XYLT1: variants seen among roughly 807,000 people sequenced by gnomAD.
XYLT1 encodes the protein xylosyltransferase 1.
XYLT1 carries 36 observed loss-of-function variants against 91.3 expected under a neutral mutation model. That is an observed-to-expected ratio of 0.39 (90% CI 0.30 to 0.52). The LOEUF is 0.52. Ranked by LOEUF, XYLT1 falls within the 20% of genes least tolerant of loss-of-function variation. The pLI, the probability that XYLT1 is intolerant of heterozygous loss-of-function variation, is 0.68. For synonymous variants in XYLT1, 588 were observed against 532.0 expected (o/e 1.11, Z -1.45); for missense variants, 1,242 against 1,284.5 (o/e 0.97, Z 0.51).
chr16:17,276,816 G>T (rs2033983931), intron 2 of XYLT1, among the ~76,000 whole-genome samples: 1 of 152,178 alleles, frequency 6.6e-6, no homozygotes, highest in African/African-American at 2.4e-5. Flanking sequence ...GTGACCTAGG[G>T]AAAGTCGTTT....
chr16:17,205,614 T>G (rs527975801), intron 3 of XYLT1, among the ~76,000 whole-genome samples: 177 of 152,312 alleles, frequency 1.2e-3, no homozygotes, highest in African/African-American at 3.9e-3. Context: ...AGCCATCATT[T>G]CTATGTGGCT....
rs186003047 is a variant in XYLT1, at chr16:17,106,833, A to G, written c.*1862T>C. On this transcript the variant is annotated 3_prime_UTR_variant, in exon 12 of 12. Coordinates refer to ENST00000261381, the MANE Select transcript of XYLT1 (RefSeq NM_022166.4). ...GCATAAGGAAAAAAACAAGGCTCCA[A>G]CGGTCCCCAAGGCACCCCACTCAAA... 1.3e-5 allele frequency: 2 copies of G among 152,028 alleles called. No homozygotes were observed. The highest frequency in any genetic ancestry group is 1.5e-5 in the Non-Finnish European group (1 of 68,036). The allele number at this position is 152,028 out of a possible 1,614,324, so 9.4% of individuals were successfully genotyped here. A position where few individuals can be genotyped will look rare whatever the true frequency, so the allele number is the denominator to read the frequency against.
chr16:17,332,956 C>T (rs1183525296), intron 2 of XYLT1, among the ~76,000 whole-genome samples: 1 of 152,088 alleles, frequency 6.6e-6, no homozygotes, highest in African/African-American at 2.4e-5. Flanking sequence ...GTTTGCAAAC[C>T]CAGGAAGAGG....
chr16:17,309,751 G>T (rs1286264321), intron 2 of XYLT1, among the ~76,000 whole-genome samples: 1 of 152,190 alleles, frequency 6.6e-6, no homozygotes, highest in Non-Finnish European at 1.5e-5. Context: ...ATGGTTTAAT[G>T]CCTTTATTTT....
rs184976221 is a variant in XYLT1 at position 17,312,975 on chromosome 16, C to T, written c.402+45037G>A. 6.5e-4 allele frequency among the ~76,000 whole-genome samples: 99 copies of T among 152,376 alleles called. No individual in the cohort carries two copies. Among genetic ancestry groups the T allele is most frequent in the African/African-American group, 2.3e-3 (96 of 41,594 alleles). ...AGAACCGGATCCTCTTGGAAAAGCT[C>T]CCCCTGGCCGGGGCTGAGCAGGGAA... is the stretch of plus-strand genomic sequence containing the variant. On this transcript the variant is annotated intron_variant, in intron 2 of 11. Coordinates refer to ENST00000261381, the MANE Select transcript of XYLT1 (RefSeq NM_022166.4). This position sits in a 1 kb window ranked among gnomAD's most constrained non-coding sequence, Gnocchi z 4.4.
chr16:17,316,660 G>C (rs530834013), intron 2 of XYLT1, among the ~76,000 whole-genome samples: 3 of 151,876 alleles, frequency 2.0e-5, no homozygotes, highest in Non-Finnish European at 4.4e-5. Flanking sequence ...GCCTCCCAAA[G>C]TGCTGGGATT....
intron 9 of XYLT1, among the ~76,000 whole-genome samples, chr16:17,131,957 C>T (rs1027204752): frequency 1.4e-4 from 22 of 152,178 alleles, no homozygotes; most frequent in South Asian, 6.2e-4. Context: ...CAATAAAAAA[C>T]GAGGTGGATA....
chr16:17,134,153 C>G (rs1480480721), intron 9 of XYLT1, among the ~76,000 whole-genome samples: 2 of 152,068 alleles, frequency 1.3e-5, no homozygotes, highest in Non-Finnish European at 2.9e-5. Context: ...AGTTTTGTAC[C>G]TTCCACTTAA....
chr16:17,452,141 G>C (rs1030411703), intron 1 of XYLT1, among the ~76,000 whole-genome samples: 8 of 152,070 alleles, frequency 5.3e-5, no homozygotes, highest in Admixed American at 2.0e-4. Flanking sequence ...CCTATTCATA[G>C]ATTCTAACCC....
intron 2 of XYLT1, among the ~76,000 whole-genome samples, chr16:17,320,694 A>C (rs185373193): frequency 6.0e-5 from 9 of 151,056 alleles, no homozygotes; most frequent in Admixed American, 4.0e-4. Flanking sequence ...GTTGGCCAGG[A>C]TGGTCTTGAA....
chr16:17,399,181 G>A (rs1328743586), intron 1 of XYLT1, among the ~76,000 whole-genome samples: 2 of 152,168 alleles, frequency 1.3e-5, no homozygotes, highest in African/African-American at 4.8e-5. Context: ...CTGGGGGCAG[G>A]AGAGGGGACA....
chr16:17,117,399 G>C (rs965786316), intron 11 of XYLT1, among the ~76,000 whole-genome samples: 1 of 152,148 alleles, frequency 6.6e-6, no homozygotes, highest in African/African-American at 2.4e-5. Flanking sequence ...CTTTCTGGAA[G>C]TTGAATGGGG....
chr16:17,251,819 G>A (rs2033543538), intron 3 of XYLT1, among the ~76,000 whole-genome samples: 1 of 152,186 alleles, frequency 6.6e-6, no homozygotes, highest in African/African-American at 2.4e-5. Context: ...CCTGCAACCA[G>A]GGCTTCTGGG....
chr16:17,410,245 G>A (rs963151482), intron 1 of XYLT1, among the ~76,000 whole-genome samples: 3 of 152,182 alleles, frequency 2.0e-5, no homozygotes, highest in East Asian at 1.9e-4. Flanking sequence ...AGAGAAAAGC[G>A]GGTACATTAA....
At chr16:17,313,534 C>T (rs146537956) in intron 2 of XYLT1, among the ~76,000 whole-genome samples, 1 of 152,258 alleles carries the variant, frequency 6.6e-6, no homozygotes, top group East Asian at 1.9e-4. Context: ...ACAGGGACTG[C>T]TTAGACCCAT....
chr16:17,448,530 A>G (rs1596551409), intron 1 of XYLT1, among the ~76,000 whole-genome samples: 2 of 152,322 alleles, frequency 1.3e-5, no homozygotes, highest in East Asian at 3.9e-4. Flanking sequence ...CGCAGGCCAC[A>G]CAGCCAGCAA....
chr16:17,258,611 T>C (rs1329807568), intron 3 of XYLT1, among the ~76,000 whole-genome samples: 4 of 152,138 alleles, frequency 2.6e-5, no homozygotes, highest in Non-Finnish European at 5.9e-5. Context: ...TCTCAAATCA[T>C]AATCAATTAC....
intron 3 of XYLT1, among the ~76,000 whole-genome samples, chr16:17,210,722 C>T (rs939255581): frequency 5.3e-5 from 8 of 152,168 alleles, no homozygotes; most frequent in South Asian, 2.1e-4. Context: ...TTCTTAAATG[C>T]GATGTCAGAG....
chr16:17,185,665 C>CACT (rs1406658458), intron 5 of XYLT1, among the ~76,000 whole-genome samples: 5 of 152,206 alleles, frequency 3.3e-5, no homozygotes, highest in African/African-American at 1.2e-4. Context: ...TTTCAATTCT[C>CACT]ACTAGTACAA....
Sources: allele counts gnomAD v4.1 joint callset (sites outside exome capture counted in the v4.1 genomes callset), GRCh38; gene constraint gnomAD v4.1.1; non-coding constraint Gnocchi (gnomAD v3.1); transcripts MANE v1.5; gene names NCBI Gene and HGNC (gene_info 2026-07-23, HGNC 2026-07-21).